The following RGPD2 variants were observed in gnomAD, a reference collection of about 807,000 sequenced individuals.
RGPD2 encodes the protein RANBP2-like and GRIP domain-containing protein 2.
Under a neutral mutation model 36.0 loss-of-function variants are expected in RGPD2, and 2 were observed. The ratio of observed to expected loss-of-function variants is 0.06; its 90% CI spans 0.02 to 0.17. The LOEUF is 0.17. RGPD2 is among the 10% of genes least tolerant of loss of function. The pLI, the probability that RGPD2 is intolerant of heterozygous loss-of-function variation, is 1.00. For missense variants in RGPD2, 40 were observed against 464.3 expected (o/e 0.09, Z 8.40); for synonymous variants, 19 against 163.8 (o/e 0.12, Z 6.75).
chr2:87,878,949 A>T, the RGPD2 span, among the ~76,000 whole-genome samples: 2 of 152,152 alleles, frequency 1.3e-5, no homozygotes, highest in Admixed American at 6.5e-5. Context: ...TTTTACAATT[A>T]TATGTAGTAC....
chr2:87,758,577 A>AAAT (rs2104220148), intron 22 of RGPD2, among the ~76,000 whole-genome samples: 1 of 119,544 alleles, frequency 8.4e-6, no homozygotes, highest in South Asian at 3.2e-4. Flanking sequence ...ATCAATAGAG[A>AAAT]AATTGAAAAT....
At chr2:87,880,171 G>T in the RGPD2 span, among the ~76,000 whole-genome samples, 1 of 148,908 alleles carries the variant, frequency 6.7e-6, no homozygotes, top group Non-Finnish European at 1.5e-5. Context: ...TTGTTTTATT[G>T]TTACTAAGTA....
the RGPD2 span, among the ~76,000 whole-genome samples, chr2:87,971,627 C>A: frequency 4.1e-5 from 6 of 146,682 alleles, no homozygotes; most frequent in African/African-American, 1.5e-4. Flanking sequence ...AGACTGTGAT[C>A]GATTTTTATG....
intron 4 of RGPD2, among the ~76,000 whole-genome samples, chr2:87,813,986 C>A (rs1269917239): frequency 1.3e-5 from 2 of 151,456 alleles, no homozygotes; most frequent in South Asian, 2.1e-4. Flanking sequence ...TGTTACACTG[C>A]AAGAAAACAA....
chr2:87,875,494 G>C, the RGPD2 span, among the ~76,000 whole-genome samples: 1 of 152,208 alleles, frequency 6.6e-6, no homozygotes, highest in Non-Finnish European at 1.5e-5. Flanking sequence ...CTGTTTATGT[G>C]ATGAATCACA....
chr2:87,840,646 T>A, the RGPD2 span, among the ~76,000 whole-genome samples: 3 of 151,308 alleles, frequency 2.0e-5, no homozygotes, highest in Non-Finnish European at 4.4e-5. Flanking sequence ...GAGACCAGTA[T>A]TTTCCTTTGT....
chr2:87,853,137 C>T, the RGPD2 span, among the ~76,000 whole-genome samples: 1 of 151,898 alleles, frequency 6.6e-6, no homozygotes, highest in Non-Finnish European at 1.5e-5. Flanking sequence ...ATATTTTTGC[C>T]CCTGGTAACT....
chr2:87,897,739 T>A, the RGPD2 span, among the ~76,000 whole-genome samples: 1 of 151,904 alleles, frequency 6.6e-6, no homozygotes, highest in Non-Finnish European at 1.5e-5. Flanking sequence ...GCTTTTCTGT[T>A]CCTGTGTTAG....
At chr2:87,821,922 CTT>C (rs1686379559) in intron 1 of RGPD2, among the ~76,000 whole-genome samples, 1 of 134,150 alleles carries the variant, frequency 7.5e-6, no homozygotes, top group African/African-American at 2.9e-5. Flanking sequence ...TTGTCCAAAA[CTT>C]AACATTTGTG....
At chr2:87,921,715 A>G in the RGPD2 span, among the ~76,000 whole-genome samples, 4 of 152,168 alleles carry the variant, frequency 2.6e-5, no homozygotes, top group Non-Finnish European at 5.9e-5. Flanking sequence ...ACAACCTTCT[A>G]CAATGTCACA....
chr2:87,843,057 A>G, the RGPD2 span, among the ~76,000 whole-genome samples: 2 of 151,934 alleles, frequency 1.3e-5, no homozygotes, highest in Non-Finnish European at 2.9e-5. Context: ...TATAAAAATT[A>G]ATTCAAGATG....
chr2:87,884,143 A>G, the RGPD2 span, among the ~76,000 whole-genome samples: 2 of 152,254 alleles, frequency 1.3e-5, no homozygotes, highest in South Asian at 4.1e-4. Context: ...TAACAGGAAG[A>G]GTCATGGAAA....
the RGPD2 span, among the ~76,000 whole-genome samples, chr2:87,986,480 A>G: frequency 3.9e-5 from 6 of 151,932 alleles, no homozygotes; most frequent in South Asian, 1.2e-3. Flanking sequence ...TAAAGTAACC[A>G]AATAGCCCAG....
the RGPD2 span, among the ~76,000 whole-genome samples, chr2:87,957,642 T>C: frequency 6.6e-6 from 1 of 152,234 alleles, no homozygotes; most frequent in Non-Finnish European, 1.5e-5. Context: ...AGGCCCCAGC[T>C]CTTAATAACA....
chr2:87,918,407 A>T, the RGPD2 span, among the ~76,000 whole-genome samples: 1 of 151,524 alleles, frequency 6.6e-6, no homozygotes, highest in Non-Finnish European at 1.5e-5. Flanking sequence ...TACACATTAA[A>T]AAAAGTATTA....
At chr2:87,842,209 G>A in the RGPD2 span, among the ~76,000 whole-genome samples, 2 of 151,808 alleles carry the variant, frequency 1.3e-5, no homozygotes, top group Non-Finnish European at 2.9e-5. Flanking sequence ...GTTGTGGCCA[G>A]GGCAATTAGG....
the RGPD2 span, among the ~76,000 whole-genome samples, chr2:87,965,012 G>A: frequency 6.6e-6 from 1 of 151,520 alleles, no homozygotes; most frequent in Admixed American, 6.6e-5. Context: ...TCTCCTCAAG[G>A]AAAATACTGT....
In RGPD2 at chr2:87,785,178, A is replaced by C. The variant is rs1685547408; in HGVS notation, c.2582-9T>G. ...AGGGCCAGTAGTTGCAACTAAAAAA[A>C]AAAAAAGAAAAGAAAGAAAACACTG... On this transcript the variant is annotated splice_polypyrimidine_tract_variant and intron_variant, in intron 18 of 22. Transcript: ENST00000398146. 6.5e-7 allele frequency: 1 copy of C among 1,543,798 alleles called. No individual in the cohort carries two copies. The highest frequency in any genetic ancestry group is 2.0e-5 in the Admixed American group (1 of 50,604).
chr2:87,917,384 T>C, the RGPD2 span, among the ~76,000 whole-genome samples: 1 of 84,090 alleles, frequency 1.2e-5, no homozygotes, highest in African/African-American at 4.8e-5. Context: ...TGAAGTGGTG[T>C]GATCATAGGT....
Sources: allele counts gnomAD v4.1 joint callset (sites outside exome capture counted in the v4.1 genomes callset), GRCh38; gene constraint gnomAD v4.1.1; transcripts MANE v1.5; gene names NCBI Gene and HGNC (gene_info 2026-07-23, HGNC 2026-07-21).